The following COMMD1 variants were observed in gnomAD, a reference collection of about 807,000 sequenced individuals.
The protein encoded by COMMD1 is COMM domain-containing protein 1.
A neutral mutation model predicts 17.2 loss-of-function variants in COMMD1; 10 were observed. The ratio of observed to expected loss-of-function variants is 0.58; its 90% CI spans 0.36 to 0.99. The LOEUF (loss-of-function observed/expected upper bound fraction) is 0.99. Ranked by LOEUF, COMMD1 falls within the 50% of genes least tolerant of loss-of-function variation. The pLI is 0.01. For synonymous variants in COMMD1, 97 were observed against 91.6 expected, an observed-to-expected ratio of 1.06 and a Z score of -0.34; for missense variants, 270 against 231.8, an observed-to-expected ratio of 1.17 and a Z score of -1.07.
At chr2:61,895,307 G>A (rs111797366) in intron 1 of COMMD1, among the ~76,000 whole-genome samples, 5 of 152,336 alleles carry the variant, frequency 3.3e-5, no homozygotes, top group African/African-American at 1.2e-4. Context: ...GTAGGAGACT[G>A]TGAAACACTT....
At chr2:62,119,059 A>G (rs1292546856) in intron 2 of COMMD1, 1 of 152,258 alleles carries the variant, frequency 6.6e-6, no homozygotes, top group Non-Finnish European at 1.5e-5. Context: ...AAACACATAA[A>G]GAGGCAGTTA....
At chr2:61,888,839 A>T in exon 1 of COMMD1, 1 of 324,182 alleles carries the variant, frequency 3.1e-6, no homozygotes, top group East Asian at 6.9e-5. Context: ...TTTAAAGGCG[A>T]GTGGTGAGGA....
intron 1 of COMMD1, among the ~76,000 whole-genome samples, chr2:61,909,341 T>C (rs1558517912): frequency 6.6e-6 from 1 of 152,198 alleles, no homozygotes; most frequent in Non-Finnish European, 1.5e-5. Context: ...AATAGAATTG[T>C]GAGTAAGCAC....
intron 1 of COMMD1, among the ~76,000 whole-genome samples, chr2:61,990,060 G>C (rs979984825): frequency 8.5e-5 from 13 of 152,198 alleles, no homozygotes; most frequent in African/African-American, 2.7e-4. Flanking sequence ...ACAAGGTAAG[G>C]CGATAAAGGA....
At chr2:62,038,433 A>G (rs1168629944) in intron 2 of COMMD1, among the ~76,000 whole-genome samples, 1 of 152,258 alleles carries the variant, frequency 6.6e-6, no homozygotes, top group Admixed American at 6.5e-5. Context: ...ATTTTGTTGT[A>G]GAATTTATCA....
At position 62,082,394 on chromosome 2, in the gene COMMD1, G is replaced by T. The variant is rs1332156378; in HGVS notation, c.463-53437G>T. 5.9e-5 allele frequency among the ~76,000 whole-genome samples: 9 copies of T among 152,188 alleles called. No individual in the cohort carries two copies. In the East Asian group the frequency reaches 1.5e-3, roughly 26 times the overall value. ...GTGGTAATCCTGGCACTAGCAGGAA[G>T]TAGGAGCTGCTGGAGGACCTGGAGC... On this transcript the variant is annotated intron_variant, in intron 2 of 2. Transcript: ENST00000311832.
chr2:61,889,325 G>A (rs1315381661), intron 1 of COMMD1, among the ~76,000 whole-genome samples: 1 of 144,678 alleles, frequency 6.9e-6, no homozygotes, highest in African/African-American at 2.6e-5. Context: ...TCCCGCCACA[G>A]CCTCCCAACT....
At chr2:61,930,656 T>TGTGA (rs910481777) in intron 1 of COMMD1, among the ~76,000 whole-genome samples, 10 of 148,332 alleles carry the variant, frequency 6.7e-5, no homozygotes, top group African/African-American at 1.0e-4. Flanking sequence ...TGTGTGTGTG[T>TGTGA]GAGTGAGTGT....
intron 1 of COMMD1, among the ~76,000 whole-genome samples, chr2:61,923,451 C>G (rs990643945): frequency 5.9e-5 from 9 of 151,858 alleles, no homozygotes; most frequent in African/African-American, 2.2e-4. Context: ...AAATAAAAGC[C>G]TAATGAATGA....
At chr2:61,962,015 A>C (rs552404593) in intron 1 of COMMD1, among the ~76,000 whole-genome samples, 3 of 152,074 alleles carry the variant, frequency 2.0e-5, no homozygotes, top group African/African-American at 7.2e-5. Flanking sequence ...GTTCTCTTTC[A>C]CATTGGAGTT....
At chr2:62,092,407 G>T (rs1272573462) in intron 2 of COMMD1, among the ~76,000 whole-genome samples, 1 of 152,214 alleles carries the variant, frequency 6.6e-6, no homozygotes, top group Non-Finnish European at 1.5e-5. Flanking sequence ...TGAGCCTCCA[G>T]TGTTCTCTTG....
At chr2:62,049,947 T>C (rs915187401) in intron 2 of COMMD1, among the ~76,000 whole-genome samples, 2 of 152,222 alleles carry the variant, frequency 1.3e-5, no homozygotes, top group Non-Finnish European at 2.9e-5. Flanking sequence ...TGTAATTGCA[T>C]GAATATATCT....
At chr2:62,133,354 GC>G (rs1274080609) in intron 2 of COMMD1, among the ~76,000 whole-genome samples, 1 of 152,162 alleles carries the variant, frequency 6.6e-6, no homozygotes. Context: ...TTGTTGGCCT[GC>G]CTTTAACTAC....
chr2:62,108,088 C>G (rs1156370297), intron 2 of COMMD1, among the ~76,000 whole-genome samples: 1 of 152,160 alleles, frequency 6.6e-6, no homozygotes, highest in Non-Finnish European at 1.5e-5. Flanking sequence ...TGTCTTCTCT[C>G]CCATCTCTAG....
intron 2 of COMMD1, among the ~76,000 whole-genome samples, chr2:62,123,522 GA>G (rs200376990): frequency 0.022 from 2,563 of 117,482 alleles, 141 homozygotes; most frequent in East Asian, 0.18. Context: ...TAAAAAAAAA[GA>G]AAAAAAAAAA....
chr2:61,963,173 T>A (rs183680162), intron 1 of COMMD1, among the ~76,000 whole-genome samples: 19,681 of 139,100 alleles, frequency 0.14, 1,482 homozygotes, highest in East Asian at 0.22. Context: ...AAAAAAAATA[T>A]ATATATATAT....
intron 2 of COMMD1, among the ~76,000 whole-genome samples, chr2:62,016,206 C>CTTTTTTTTTTT (rs769583167): frequency 8.4e-4 from 94 of 112,240 alleles, no homozygotes; most frequent in Non-Finnish European, 1.1e-3. Context: ...CTTTTCTTTT[C>CTTTTTTTTTTT]TTTTTTTTTT....
chr2:61,933,595 C>T (rs13411713), intron 1 of COMMD1, among the ~76,000 whole-genome samples: 43 of 152,040 alleles, frequency 2.8e-4, no homozygotes, highest in African/African-American at 8.9e-4. Flanking sequence ...TTTTCCCACA[C>T]GTGATACCCT....
intron 2 of COMMD1, among the ~76,000 whole-genome samples, chr2:62,042,675 C>T (rs954647662): frequency 2.6e-5 from 4 of 152,214 alleles, no homozygotes; most frequent in Admixed American, 2.6e-4. Context: ...GGCTGAAGGG[C>T]TCCTCGAGCG....
Sources: gnomAD v4.1 joint callset for allele counts (sites outside exome capture counted in the v4.1 genomes callset) on GRCh38, gnomAD v4.1.1 for gene constraint, MANE v1.5 for transcripts, NCBI Gene and HGNC (gene_info 2026-07-23, HGNC 2026-07-21) for gene names.